OIT3: variants seen among roughly 807,000 people sequenced by gnomAD.
OIT3 encodes the protein oncoprotein induced transcript 3.
Under a neutral mutation model 52.2 loss-of-function variants are expected in OIT3, and 41 were observed. That is an observed-to-expected ratio of 0.79 (90% CI 0.61 to 1.02). The LOEUF (loss-of-function observed/expected upper bound fraction) is 1.02. OIT3 is among the 50% of genes least tolerant of loss of function. OIT3 has a pLI of 0.00. For missense variants in OIT3, 634 were observed against 715.5 expected (o/e 0.89, Z 1.30); for synonymous variants, 244 against 276.9 (o/e 0.88, Z 1.18).
chr10:72,924,266 C>G lies in OIT3; in HGVS notation c.989C>G (p.Thr330Arg). The G allele has an allele frequency of 6.2e-7, 1 of 1,609,002 alleles. No homozygotes were observed. Among genetic ancestry groups the G allele is most frequent in the Non-Finnish European group, 8.5e-7 (1 of 1,176,434 alleles). Reference sequence around the variant, plus strand: ...AAGATTGTGGCCAGCAACCTCGTGACAGGTCTACCCAAGCAGACCCCGGGG... The same window carrying G: ...AAGATTGTGGCCAGCAACCTCGTGAGAGGTCTACCCAAGCAGACCCCGGGG... ...NDKIVASNLV[T>R]GLPKQTPGSS... is the part of the protein sequence containing the mutation. The change falls in exon 7 of 9, where the codon ACA (threonine) becomes AGA (arginine). Residue 330 changes from threonine (T) to arginine (R), a missense_variant. Transcript: ENST00000334011.
intron 3 of OIT3, among the ~76,000 whole-genome samples, chr10:72,906,004 G>T (rs1195396439): frequency 6.6e-6 from 1 of 152,166 alleles, no homozygotes; most frequent in African/African-American, 2.4e-5. Flanking sequence ...AGAAAGAAAA[G>T]CATAGACATT....
rs750473861 is a variant in OIT3, at chr10:72,911,757, CTCT to C, written c.710_712del (p.Ser237del). ...ACAATAACAATGGTGGCTGCAGCCA[CTCT>C]TGCCTTGGATCTGAGAAAGGCTACC... On this transcript the variant is annotated inframe_deletion, in exon 5 of 9. Coordinates refer to ENST00000334011, the MANE Select transcript of OIT3 (RefSeq NM_152635.3). The C allele has an allele frequency of 1.2e-6, 2 of 1,613,898 alleles. No individual in the cohort carries two copies. Among genetic ancestry groups the C allele is most frequent in the Non-Finnish European group, 1.7e-6 (2 of 1,179,864 alleles).
At chr10:72,901,964 A>G (rs1845938570) in intron 3 of OIT3, among the ~76,000 whole-genome samples, 1 of 152,150 alleles carries the variant, frequency 6.6e-6, no homozygotes, top group Non-Finnish European at 1.5e-5. Flanking sequence ...GCCTGAGCCC[A>G]GGAATTTAAG....
rs941271043 is a variant in OIT3, at chr10:72,914,538, A to G, written c.951+1070A>G. ...GTCCCACTTGAGGCAAGTTATGTCG[A>G]TCGTATCTGTGGATAATCAAATGGA... On this transcript the variant is annotated intron_variant, in intron 6 of 8. Transcript: ENST00000334011. 2.6e-5 allele frequency among the ~76,000 whole-genome samples: 4 copies of G among 152,220 alleles called. No individual in the cohort carries two copies. In the East Asian group the frequency reaches 7.7e-4, roughly 29 times the overall value.
intron 3 of OIT3, among the ~76,000 whole-genome samples, chr10:72,904,664 A>G (rs1845963192): frequency 6.6e-6 from 1 of 152,126 alleles, no homozygotes; most frequent in South Asian, 2.1e-4. Flanking sequence ...TACTTGTATT[A>G]TGGATTTTTC....
chr10:72,906,373 T>C (rs1038749526), intron 3 of OIT3, among the ~76,000 whole-genome samples: 2 of 152,228 alleles, frequency 1.3e-5, no homozygotes, highest in East Asian at 1.9e-4. Context: ...GAGAAGGTAA[T>C]TGGCAAGCAA....
At chr10:72,919,827 A>C (rs1846106565) in intron 6 of OIT3, among the ~76,000 whole-genome samples, 1 of 152,032 alleles carries the variant, frequency 6.6e-6, no homozygotes, top group South Asian at 2.1e-4. Context: ...AAGATTTTTG[A>C]TGTGCTGCTG....
rs769694580 is a variant in OIT3, at chr10:72,924,643, G to T, written c.1366G>T (p.Gly456Cys). Residue 456 changes from glycine (G) to cysteine (C), a missense_variant and splice_region_variant, in exon 7 of 9, where the codon GGC becomes TGC. Coordinates refer to ENST00000334011, the MANE Select transcript of OIT3 (RefSeq NM_152635.3). Reference protein sequence around the residue: ...EVLKYYLIRDGCVSDDSVKQY... With the variant: ...EVLKYYLIRDCCVSDDSVKQY... ...CCTGAAATACTACCTCATCCGGGAT[G>T]GGTAATGCTGCTGCAAGAATGGTCT... 1.3e-6 allele frequency: 2 copies of T among 1,597,892 alleles called. No individual in the cohort carries two copies. The highest frequency in any genetic ancestry group is 1.7e-6 in the Non-Finnish European group (2 of 1,169,386).
At chr10:72,914,278 G>A (rs1348398154) in intron 6 of OIT3, among the ~76,000 whole-genome samples, 1 of 152,130 alleles carries the variant, frequency 6.6e-6, no homozygotes, top group Non-Finnish European at 1.5e-5. Flanking sequence ...TGTGTGCTAG[G>A]GTGAGCCATC....
intron 4 of OIT3, among the ~76,000 whole-genome samples, chr10:72,909,605 AT>A (rs903007145): frequency 1.5e-4 from 22 of 149,028 alleles, no homozygotes; most frequent in East Asian, 5.9e-4. Context: ...ATTATTATTA[AT>A]TTTTTTTTTG....
At chr10:72,895,641 G>A (rs1011146860) in intron 1 of OIT3, among the ~76,000 whole-genome samples, 1 of 152,182 alleles carries the variant, frequency 6.6e-6, no homozygotes, top group African/African-American at 2.4e-5. Context: ...TGTGATTCAG[G>A]GGCGGCTGTC....
At chr10:72,896,455 A>G (rs1845875993) in intron 1 of OIT3, among the ~76,000 whole-genome samples, 1 of 152,224 alleles carries the variant, frequency 6.6e-6, no homozygotes, top group Non-Finnish European at 1.5e-5. Context: ...TTCAGCCGAG[A>G]TACATAAGGG....
At chr10:72,925,115 CAAAAA>C (rs751143274) in intron 7 of OIT3, among the ~76,000 whole-genome samples, 1 of 37,984 alleles carries the variant, frequency 2.6e-5, no homozygotes, top group Non-Finnish European at 6.5e-5. Flanking sequence ...CCTAAAATCT[CAAAAA>C]AAAAAAAAAA....
At chr10:72,906,805 T>C (rs1290042885) in intron 4 of OIT3, 87 bp downstream of exon 4, 2 of 1,325,048 alleles carry the variant, frequency 1.5e-6, no homozygotes, top group African/African-American at 3.0e-5. Context: ...TGCCTTAGTG[T>C]CCGAAGAGAG....
At chr10:72,903,806 A>G (rs1845954181) in intron 3 of OIT3, among the ~76,000 whole-genome samples, 1 of 152,154 alleles carries the variant, frequency 6.6e-6, no homozygotes. Flanking sequence ...TGGGGCATAG[A>G]GTATCTTCAC....
At chr10:72,907,702 C>T (rs1376548366) in intron 4 of OIT3, among the ~76,000 whole-genome samples, 2 of 152,020 alleles carry the variant, frequency 1.3e-5, no homozygotes, top group Admixed American at 6.6e-5. Context: ...TCCCCATATG[C>T]TTTGTGTTTA....
In OIT3 at chr10:72,898,950, C is replaced by T; in HGVS notation, c.348C>T (p.Asn116=). Residue 116 remains asparagine (N), a synonymous_variant, in exon 2 of 9, where the codon AAC becomes AAT. Coordinates refer to ENST00000334011, the MANE Select transcript of OIT3 (RefSeq NM_152635.3). ...TCAATGGGAACTGCTGTCTCTGGAA[C>T]ACCACGGTGGAAGTCAAGGCTTGCC... The part of the protein sequence containing the change: ...ASFNGNCCLW[N]TTVEVKACPG... 1.9e-6 allele frequency: 3 copies of T among 1,614,198 alleles called. No individual in the cohort carries two copies. Among genetic ancestry groups the T allele is most frequent in the Non-Finnish European group, 2.5e-6 (3 of 1,180,026 alleles).
chr10:72,922,226 C>A (rs1454059931), intron 6 of OIT3, among the ~76,000 whole-genome samples: 1 of 152,100 alleles, frequency 6.6e-6, no homozygotes, highest in African/African-American at 2.4e-5. Context: ...TGAATGTTGG[C>A]CTGTCTAGCA....
chr10:72,896,233 A>G (rs1422280216), intron 1 of OIT3, among the ~76,000 whole-genome samples: 1 of 152,224 alleles, frequency 6.6e-6, no homozygotes, highest in Non-Finnish European at 1.5e-5. Context: ...AGCGATTAAA[A>G]GTTAAGTATC....
Sources: allele counts gnomAD v4.1 joint callset (sites outside exome capture counted in the v4.1 genomes callset), GRCh38; gene constraint gnomAD v4.1.1; transcripts MANE v1.5; gene names NCBI Gene and HGNC (gene_info 2026-07-23, HGNC 2026-07-21).